SIGLEC10: variants seen among roughly 807,000 people sequenced by gnomAD.
SIGLEC10 encodes the protein sialic acid binding Ig like lectin 10, also known as sialic acid-binding Ig-like lectin 10.
Under a neutral mutation model 68.3 loss-of-function variants are expected in SIGLEC10, and 45 were observed. The observed-to-expected ratio is 0.66, with a 90% CI of 0.52 to 0.84. SIGLEC10 has a LOEUF of 0.84. Among genes scored for constraint, SIGLEC10 ranks in the 40% least tolerant of loss-of-function variants. SIGLEC10 has a pLI of 0.00. For synonymous variants in SIGLEC10, 379 were observed against 370.8 expected, an observed-to-expected ratio of 1.02 and a Z score of -0.26; for missense variants, 789 against 883.1, an observed-to-expected ratio of 0.89 and a Z score of 1.35.
At chr19:51,416,495 C>G in intron 3 of SIGLEC10, 138 bp from the exon 4 acceptor site, 1 of 1,589,662 alleles carries the variant, frequency 6.3e-7, no homozygotes, top group Non-Finnish European at 8.6e-7. Flanking sequence ...CGTGTGTGGA[C>G]CAGACGCCAT....
rs759740556 is a variant in SIGLEC10, at chr19:51,415,549, C to T, written c.1072+19G>A. 9.3e-6 allele frequency: 15 copies of T among 1,613,924 alleles called. No homozygotes were observed. Among genetic ancestry groups the T allele is most frequent in the Admixed American group, 3.3e-5 (2 of 59,996 alleles). Reference sequence around the variant, plus strand: ...AATTCGGCACTGAGAGGCCTTGGCTCCTCTGTCCCCTTTCCTACCTGTCCT... The same window carrying T: ...AATTCGGCACTGAGAGGCCTTGGCTTCTCTGTCCCCTTTCCTACCTGTCCT... On this transcript the variant is annotated intron_variant, in intron 6 of 10. Transcript: ENST00000339313.
chr19:51,416,178 A>C lies in SIGLEC10; in HGVS notation c.755-11T>G. 1 of 1,596,574 alleles carries C rather than the reference A, an allele frequency of 6.3e-7. No homozygotes were observed. The highest frequency in any genetic ancestry group is 8.5e-7 in the Non-Finnish European group (1 of 1,174,056). On this transcript the variant is annotated splice_polypyrimidine_tract_variant and intron_variant, in intron 4 of 10. Transcript: ENST00000339313. Reference sequence around the variant, plus strand: ...GCTGGGGCTCCAGGGCTGGAGTGGGAGGAAAAAAAAAAAAGAGAGAAAGGG... The same window carrying C: ...GCTGGGGCTCCAGGGCTGGAGTGGGCGGAAAAAAAAAAAAGAGAGAAAGGG...
At chr19:51,412,887 C>T (rs1988151105) in intron 10 of SIGLEC10, among the ~76,000 whole-genome samples, 1 of 152,094 alleles carries the variant, frequency 6.6e-6, no homozygotes, top group Non-Finnish European at 1.5e-5. Flanking sequence ...CCCACCTCAG[C>T]CTCCCAAGTA....
intron 3 of SIGLEC10, 107 bp from the exon 4 acceptor site, chr19:51,416,464 G>T: frequency 6.2e-7 from 1 of 1,607,816 alleles, no homozygotes; most frequent in South Asian, 1.1e-5. Flanking sequence ...GAAGACAAGT[G>T]ACAACCAGCG....
At position 51,417,292 on chromosome 19, in the gene SIGLEC10, C is replaced by A. The variant is rs777376006; in HGVS notation, c.211G>T (p.Ala71Ser). 87 of 1,614,232 alleles carry A rather than the reference C, an allele frequency of 5.4e-5. No individual in the cohort carries two copies. The highest frequency in any genetic ancestry group is 5.0e-5 in the Non-Finnish European group (59 of 1,180,030). Residue 71 changes from alanine to serine, a missense_variant, in exon 2 of 11, where the codon GCT becomes TCT. Physicochemically the swap from Ala to Ser is moderately conservative, Grantham distance 99 (BLOSUM62 1). Coordinates refer to ENST00000339313, the MANE Select transcript of SIGLEC10 (RefSeq NM_033130.5). ...FKAVTETTKGAPVATNHQSRE... is the reference protein window; with the variant it reads ...FKAVTETTKGSPVATNHQSRE... The stretch of plus-strand genomic sequence containing the variant: ...CTCTGGTGGTTTGTGGCCACAGGAG[C>A]ACCCTTGGTTGTCTCAGTCACTGCT...
At position 51,417,334 on chromosome 19, in the gene SIGLEC10, A is replaced by G; in HGVS notation, c.169T>C (p.Tyr57His). ...GTCACTGCTTTGAACCAGTAGCCAT[A>G]AGCTGGGGTAGACCCTGTCCAGTCC... ...RQDWTGSTPA[Y>H]GYWFKAVTET... Residue 57 changes from tyrosine (Y) to histidine (H), a missense_variant, in exon 2 of 11, where the codon TAT becomes CAT. By Grantham distance (83) the Tyr-to-His change is moderately conservative. Transcript: ENST00000339313. 1 of 1,614,174 alleles carries G rather than the reference A, an allele frequency of 6.2e-7. No homozygotes were observed. Among genetic ancestry groups the G allele is most frequent in the Non-Finnish European group, 8.5e-7 (1 of 1,180,018 alleles).
rs747159847 is a variant in SIGLEC10 at position 51,415,923 on chromosome 19, C to T, written c.999G>A (p.Gln333=). ...CRAENRLGSQ[Q]RALDLSVQYP... ...ACTGCACAGAGAGGTCCAGGGCTCG[C>T]TGCTGGGAGCCAAGCCTGTTCTCCG... Residue 333 remains glutamine, a synonymous_variant, in exon 5 of 11, where the codon CAG becomes CAA. Transcript: ENST00000339313. The T allele has an allele frequency of 3.1e-6, 5 of 1,613,244 alleles. No individual in the cohort carries two copies. The highest frequency in any genetic ancestry group is 2.2e-5 in the South Asian group (2 of 91,034).
In SIGLEC10 at chr19:51,415,382, A is replaced by G. The variant is rs141231631; in HGVS notation, c.1129T>C (p.Cys377Arg). 7.3e-4 allele frequency: 1,173 copies of G among 1,611,590 alleles called. 1 individual carries two copies. The highest frequency in any genetic ancestry group is 9.5e-4 in the Non-Finnish European group (1,117 of 1,178,578). Reference protein sequence around the residue: ...SLPVLEGQSLCLVCVTHSSPP... With the variant: ...SLPVLEGQSLRLVCVTHSSPP... ...CTGCTGTGTGTGACACAGACCAGGC[A>G]CAGGCTTTGGCCCTCCAGTACTGGG... The change falls in exon 7 of 11, where the codon TGC becomes CGC. Residue 377 changes from cysteine (C) to arginine (R), a missense_variant. By Grantham distance (180) the Cys-to-Arg change is radical. Coordinates refer to ENST00000339313, the MANE Select transcript of SIGLEC10 (RefSeq NM_033130.5).
chr19:51,412,941 A>T (rs914252239), intron 10 of SIGLEC10, among the ~76,000 whole-genome samples: 2 of 151,560 alleles, frequency 1.3e-5, no homozygotes, highest in African/African-American at 4.8e-5. Context: ...CTAATTTTTT[A>T]TTTTTTTTGT....
Position 51,415,934 on chromosome 19 carries a change from C to T in SIGLEC10, c.988G>A (p.Gly330Ser). The T allele has an allele frequency of 6.2e-7, 1 of 1,613,468 alleles. No homozygotes were observed. Among genetic ancestry groups the T allele is most frequent in the East Asian group, 2.2e-5 (1 of 44,860 alleles). ...RYTCRAENRL[G>S]SQQRALDLSV... Reference sequence around the variant, plus strand: ...AGGTCCAGGGCTCGCTGCTGGGAGCCAAGCCTGTTCTCCGCTCGGCAGGTG... The same window carrying T: ...AGGTCCAGGGCTCGCTGCTGGGAGCTAAGCCTGTTCTCCGCTCGGCAGGTG... The change falls in exon 5 of 11, where the codon GGC becomes AGC. Residue 330 changes from glycine (G) to serine (S), a missense_variant. Physicochemically the swap from Gly to Ser is moderately conservative, Grantham distance 56. Coordinates refer to ENST00000339313, the MANE Select transcript of SIGLEC10 (RefSeq NM_033130.5).
At chr19:51,412,090 C>G (rs941007410) in intron 10 of SIGLEC10, among the ~76,000 whole-genome samples, 1 of 149,964 alleles carries the variant, frequency 6.7e-6, no homozygotes, top group Non-Finnish European at 1.5e-5. Context: ...TGCAGTGAGC[C>G]GAGACCTTGC....
In SIGLEC10 at chr19:51,410,700, G is replaced by T. The variant is rs13346125; in HGVS notation, c.*399C>A. Reference sequence around the variant, plus strand: ...GTCTCGCTTTGTTGCCCAGGCTGGCGTGCAATGGTGTGATCTTGGCTCACT... The same window carrying T: ...GTCTCGCTTTGTTGCCCAGGCTGGCTTGCAATGGTGTGATCTTGGCTCACT... On this transcript the variant is annotated 3_prime_UTR_variant, in exon 11 of 11. Coordinates refer to ENST00000339313, the MANE Select transcript of SIGLEC10 (RefSeq NM_033130.5). 2,159 of 161,722 alleles carry T rather than the reference G, an allele frequency of 0.013. 24 individuals are homozygous for T. The highest frequency in any genetic ancestry group is 0.041 in the Middle Eastern group (13 of 314). The allele number at this position is 161,722 out of a possible 1,614,324, so 10.0% of individuals were successfully genotyped here. A position where few individuals can be genotyped will look rare whatever the true frequency, so the allele number is the denominator to read the frequency against.
In SIGLEC10 at chr19:51,410,730, C is replaced by A; in HGVS notation, c.*369G>T. ...ATGGTGTGATCTTGGCTCACTGCAA[C>A]CTCCGTCTCCCAGGTTCAAGTGATT... is the stretch of plus-strand genomic sequence containing the variant. On this transcript the variant is annotated 3_prime_UTR_variant, in exon 11 of 11. Transcript: ENST00000339313. 5.5e-6 allele frequency: 1 copy of A among 182,848 alleles called. No homozygotes were observed. The highest frequency in any genetic ancestry group is 1.2e-5 in the Non-Finnish European group (1 of 85,348). The allele number at this position is 182,848 out of a possible 1,614,324, so 11.3% of individuals were successfully genotyped here. A position where few individuals can be genotyped will look rare whatever the true frequency, so the allele number is the denominator to read the frequency against.
Position 51,417,398 on chromosome 19 carries a change from C to T in SIGLEC10, c.105G>A (p.Leu35=). Residue 35 remains leucine, a synonymous_variant, in exon 2 of 11, where the codon CTG becomes CTA. Transcript: ENST00000339313. ...AGAAAGAGCAGGGCACAGAGATGCA[C>T]AGGCCCTCCGGCACCATCACTGACT... ...VQESVMVPEG[L]CISVPCSFSY... is the part of the protein sequence containing the mutation. The T allele has an allele frequency of 2.5e-6, 4 of 1,614,212 alleles. No homozygotes were observed. Among genetic ancestry groups the T allele is most frequent in the Non-Finnish European group, 3.4e-6 (4 of 1,180,028 alleles).
At position 51,415,584 on chromosome 19, in the gene SIGLEC10, G is replaced by C; in HGVS notation, c.1056C>G (p.Ser352=). 2.5e-6 allele frequency: 4 copies of C among 1,613,980 alleles called. No homozygotes were observed. The highest frequency in any genetic ancestry group is 2.5e-6 in the Non-Finnish European group (3 of 1,179,864). The part of the protein sequence containing the change: ...YPPENLRVMV[S]QANRTVLENL... ...CTTTCCTACCTGTCCTGTTTGCTTG[G>C]GAAACCATCACTCTCAGGTTCTCTG... The change falls in exon 6 of 11, where the codon TCC becomes TCG. Residue 352 remains serine, a synonymous_variant. Coordinates refer to ENST00000339313, the MANE Select transcript of SIGLEC10 (RefSeq NM_033130.5).
chr19:51,411,147 C>G lies in SIGLEC10; in HGVS notation c.2046G>C (p.Arg682=). The change falls in exon 11 of 11, where the codon CGG becomes CGC. Residue 682 remains arginine (R), a synonymous_variant. Coordinates refer to ENST00000339313, the MANE Select transcript of SIGLEC10 (RefSeq NM_033130.5). ...AATCCGCCTGGGTGCCCTTGGGCAT[C>G]CGGGCCTCAGGCCTGGGTCTGACGC... ...FPGVRPRPEA[R]MPKGTQADYA... is the part of the protein sequence containing the mutation. 1 of 1,614,198 alleles carries G rather than the reference C, an allele frequency of 6.2e-7. No individual in the cohort carries two copies.
rs1487968045 is a variant in SIGLEC10, at chr19:51,417,227, G to A, written c.276C>T (p.Leu92=). ...AGTTCCCCTTGGCGGGATCCCCAGT[G>A]AGCTGGAATCGGCCCCGGGTGCTCA... ...VEMSTRGRFQ[L]TGDPAKGNCS... The change falls in exon 2 of 11, where the codon CTC becomes CTT. Residue 92 remains leucine, a synonymous_variant. Transcript: ENST00000339313. 6.2e-7 allele frequency: 1 copy of A among 1,614,244 alleles called. No individual in the cohort carries two copies. Among genetic ancestry groups the A allele is most frequent in the Non-Finnish European group, 8.5e-7 (1 of 1,180,032 alleles).
At chr19:51,416,283 C>T in intron 4 of SIGLEC10, 27 bp downstream of exon 4, 15 of 1,613,960 alleles carry the variant, frequency 9.3e-6, no homozygotes, top group Non-Finnish European at 1.3e-5. Flanking sequence ...ACAACTGGCC[C>T]AGCCCCAGCC....
Position 51,417,546 on chromosome 19 carries a change from G to A in SIGLEC10, c.36C>T (p.Gly12=), listed in dbSNP as rs138229236. ...LLPLLLSSLL[G]GSQAMDGRFW... Reference sequence around the variant, plus strand: ...CTTTCCGGCCCTTGGCCCACTCACCGCCCAGCAGCGAGGACAGCAGCAGTG... The same window carrying A: ...CTTTCCGGCCCTTGGCCCACTCACCACCCAGCAGCGAGGACAGCAGCAGTG... Residue 12 remains glycine (G), a splice_region_variant and synonymous_variant, in exon 1 of 11, where the codon GGC becomes GGT. Transcript: ENST00000339313. The A allele has an allele frequency of 2.0e-5, 32 of 1,614,096 alleles. No individual in the cohort carries two copies. Among genetic ancestry groups the A allele is most frequent in the East Asian group, 4.5e-5 (2 of 44,898 alleles).
Sources: gnomAD v4.1 joint callset for allele counts (sites outside exome capture counted in the v4.1 genomes callset) on GRCh38, gnomAD v4.1.1 for gene constraint, MANE v1.5 for transcripts, NCBI Gene and HGNC (gene_info 2026-07-23, HGNC 2026-07-21) for gene names.